The following FMN2 variants were observed in gnomAD, a reference collection of about 807,000 sequenced individuals.
FMN2 encodes formin-2.
Under a neutral mutation model 142.3 loss-of-function variants are expected in FMN2, and 51 were observed. The observed-to-expected ratio is 0.36, with a 90% CI of 0.29 to 0.45. The LOEUF (loss-of-function observed/expected upper bound fraction) is 0.45. Ranked by LOEUF, FMN2 falls within the 20% of genes least tolerant of loss-of-function variation. FMN2 has a pLI of 1.00. For synonymous variants in FMN2, 882 were observed against 869.8 expected (o/e 1.01, Z -0.25); for missense variants, 1,936 against 2,122.8 (o/e 0.91, Z 1.73).
At chr1:240,382,726 A>G (rs544598029) in intron 14 of FMN2, among the ~76,000 whole-genome samples, 1 of 152,276 alleles carries the variant, frequency 6.6e-6, no homozygotes, top group Non-Finnish European at 1.5e-5. Flanking sequence ...TGCAATTCCT[A>G]TCAAATTACC....
intron 1 of FMN2, among the ~76,000 whole-genome samples, chr1:240,119,783 G>A (rs1163868445): frequency 6.6e-6 from 1 of 152,152 alleles, no homozygotes; most frequent in Admixed American, 6.5e-5. Flanking sequence ...GGCTGGATGT[G>A]CACGTACACA....
intron 15 of FMN2, among the ~76,000 whole-genome samples, chr1:240,427,424 C>G (rs1474194339): frequency 6.6e-6 from 1 of 151,828 alleles, no homozygotes; most frequent in Non-Finnish European, 1.5e-5. Flanking sequence ...CCAGGATGGT[C>G]TCCATCTCCT....
At chr1:240,316,468 A>G (rs1670782127) in intron 8 of FMN2, among the ~76,000 whole-genome samples, 1 of 152,158 alleles carries the variant, frequency 6.6e-6, no homozygotes, top group Non-Finnish European at 1.5e-5. Flanking sequence ...GAGGAGGGGC[A>G]GGGATTGAGA....
At chr1:240,199,852 G>A (rs562851121) in intron 4 of FMN2, among the ~76,000 whole-genome samples, 7 of 152,250 alleles carry the variant, frequency 4.6e-5, no homozygotes, top group African/African-American at 1.4e-4. Context: ...TATAGGTTCT[G>A]TACAAAATTG....
At chr1:240,377,008 T>C (rs1673069947) in intron 14 of FMN2, among the ~76,000 whole-genome samples, 3 of 152,210 alleles carry the variant, frequency 2.0e-5, no homozygotes, top group Non-Finnish European at 4.4e-5. Context: ...CATCTACATA[T>C]GTTATAACCA....
chr1:240,448,996 G>A (rs1037210821), intron 16 of FMN2, among the ~76,000 whole-genome samples: 2 of 151,948 alleles, frequency 1.3e-5, no homozygotes, highest in Non-Finnish European at 2.9e-5. Context: ...ACAAAATTTA[G>A]TTGGGCGTGG....
intron 16 of FMN2, among the ~76,000 whole-genome samples, chr1:240,443,536 C>T (rs1204429934): frequency 2.0e-5 from 3 of 152,084 alleles, no homozygotes; most frequent in East Asian, 1.9e-4. Flanking sequence ...GGGTGGATCA[C>T]AAGGTCAGGA....
chr1:240,159,248 A>G (rs1664157880), intron 2 of FMN2, among the ~76,000 whole-genome samples: 1 of 151,982 alleles, frequency 6.6e-6, no homozygotes, highest in African/African-American at 2.4e-5. Flanking sequence ...CTTTTCTCTG[A>G]TACGCTGGGG....
At chr1:240,361,841 G>C (rs1428446073) in intron 14 of FMN2, among the ~76,000 whole-genome samples, 2 of 152,210 alleles carry the variant, frequency 1.3e-5, no homozygotes, top group Admixed American at 6.5e-5. Flanking sequence ...TCCAGGGATA[G>C]TATTCTGGAG....
intron 2 of FMN2, among the ~76,000 whole-genome samples, chr1:240,165,559 C>A (rs1032872748): frequency 4.0e-5 from 6 of 151,812 alleles, no homozygotes; most frequent in Admixed American, 1.3e-4. Flanking sequence ...TCTAGGATCC[C>A]TGTGTGTCTT....
At chr1:240,368,404 A>C (rs1396996753) in intron 14 of FMN2, among the ~76,000 whole-genome samples, 1 of 152,174 alleles carries the variant, frequency 6.6e-6, no homozygotes, top group Non-Finnish European at 1.5e-5. Flanking sequence ...ATATCTGCCC[A>C]AAAAGTTTAA....
At chr1:240,178,108 C>A in intron 3 of FMN2, 40 bp downstream of exon 3, 1 of 1,491,908 alleles carries the variant, frequency 6.7e-7, no homozygotes, top group South Asian at 1.5e-5. Context: ...CTGGAAGAGG[C>A]AAGATAGAGA....
At chr1:240,130,046 T>A (rs1662673733) in intron 2 of FMN2, among the ~76,000 whole-genome samples, 1 of 152,222 alleles carries the variant, frequency 6.6e-6, no homozygotes, top group Admixed American at 6.5e-5. Context: ...TTAGTGTCTC[T>A]ACTTTTGCCT....
chr1:240,472,490 G>T, intron 17 of FMN2, 37 bp downstream of exon 17: 2 of 1,406,018 alleles, frequency 1.4e-6, no homozygotes, highest in Non-Finnish European at 2.0e-6. Flanking sequence ...TATTTTCTTT[G>T]GCTTTTAAAT....
chr1:240,283,373 A>G (rs564941880), intron 7 of FMN2, among the ~76,000 whole-genome samples: 2 of 152,136 alleles, frequency 1.3e-5, no homozygotes, highest in East Asian at 1.9e-4. Context: ...TTGTATTACC[A>G]TTTGCAGCAG....
At chr1:240,459,967 G>A (rs184018282) in intron 16 of FMN2, among the ~76,000 whole-genome samples, 200 of 152,186 alleles carry the variant, frequency 1.3e-3, no homozygotes, top group African/African-American at 4.7e-3. Flanking sequence ...GAAAATGTCT[G>A]TGTCTTCTAC....
At chr1:240,415,627 C>T (rs12138124) in intron 15 of FMN2, among the ~76,000 whole-genome samples, 1 of 152,028 alleles carries the variant, frequency 6.6e-6, no homozygotes, top group African/African-American at 2.4e-5. Flanking sequence ...CACCTGCACT[C>T]GGTGTAAAAA....
chr1:240,382,924 A>G (rs1673279496), intron 14 of FMN2, among the ~76,000 whole-genome samples: 1 of 152,212 alleles, frequency 6.6e-6, no homozygotes, highest in Non-Finnish European at 1.5e-5. Flanking sequence ...ACAATAGATC[A>G]GTAGAACAGA....
chr1:240,405,116 C>T (rs891926732), intron 15 of FMN2, among the ~76,000 whole-genome samples: 17 of 152,160 alleles, frequency 1.1e-4, no homozygotes, highest in African/African-American at 4.1e-4. Context: ...AACTCTTAAA[C>T]TTTTGTGCCC....
Sources: allele counts gnomAD v4.1 joint callset (sites outside exome capture counted in the v4.1 genomes callset), GRCh38; gene constraint gnomAD v4.1.1; transcripts MANE v1.5; gene names NCBI Gene and HGNC (gene_info 2026-07-23, HGNC 2026-07-21).